The following UGT2A1 variants were observed in gnomAD, a reference collection of about 807,000 sequenced individuals.
UGT2A1 encodes UDP-glucuronosyltransferase 2A1.
In UGT2A1, 61 loss-of-function variants were observed where a neutral mutation model predicts 45.4. The ratio of observed to expected loss-of-function variants is 1.34; its 90% CI spans 1.09 to 1.66. The LOEUF is 1.66. UGT2A1 is among the 40% of genes most tolerant of loss of function. The pLI, the probability that UGT2A1 is intolerant of heterozygous loss-of-function variation, is 0.00. For synonymous variants in UGT2A1, 229 were observed against 196.2 expected, an observed-to-expected ratio of 1.17 and a Z score of -1.40; for missense variants, 649 against 574.3, an observed-to-expected ratio of 1.13 and a Z score of -1.33.
chr4:69,647,594 G>A lies in UGT2A1; in HGVS notation c.51C>T (p.Thr17=). 2 of 1,607,958 alleles carry A rather than the reference G, an allele frequency of 1.2e-6. No homozygotes were observed. The highest frequency in any genetic ancestry group is 2.2e-5 in the South Asian group (2 of 90,098). The stretch of plus-strand genomic sequence containing the variant: ...AAATCAAAACATTCCCACCAAGAGT[G>A]GTTCCTATGAGACTTATCTGAAGGG... The part of the protein sequence containing the change: ...LFSLQISLIG[T]TLGGNVLIWP... Residue 17 remains threonine, a synonymous_variant, in exon 2 of 7, where the codon ACC becomes ACT. Coordinates refer to ENST00000286604, the MANE Select transcript of UGT2A1 (RefSeq NM_001252275.3).
chr4:69,644,748 T>TA (rs978303715), intron 2 of UGT2A1, among the ~76,000 whole-genome samples: 9 of 151,804 alleles, frequency 5.9e-5, no homozygotes, highest in Non-Finnish European at 1.2e-4. Context: ...GCCAATTACT[T>TA]AACATACCCA....
rs540464361 is a variant in UGT2A1 at position 69,595,351 on chromosome 4, G to A, written c.997-102C>T. 1,030 of 1,345,410 alleles carry A rather than the reference G, an allele frequency of 7.7e-4. 2 individuals are homozygous for A. Among genetic ancestry groups the A allele is most frequent in the Non-Finnish European group, 9.6e-4 (923 of 966,052 alleles). 83.3% of individuals were successfully genotyped at this position (1,345,410 alleles called of 1,614,324 possible). On this transcript the variant is annotated intron_variant, in intron 4 of 6. Coordinates refer to ENST00000286604, the MANE Select transcript of UGT2A1 (RefSeq NM_001252275.3). ...TCATTTAGCCAGCTACTTGGAAGAC[G>A]GGAATTACATAAGCAGTAGTTTACA...
chr4:69,594,764 AGGGGTC>A, intron 5 of UGT2A1, 68 bp from the exon 6 acceptor site: 2 of 1,524,430 alleles, frequency 1.3e-6, no homozygotes, highest in Admixed American at 2.0e-5. Flanking sequence ...GAGAGACAGA[AGGGGTC>A]AAAAAGCTGT....
intron 2 of UGT2A1, among the ~76,000 whole-genome samples, chr4:69,637,566 G>T (rs1423770969): frequency 6.6e-6 from 1 of 151,988 alleles, no homozygotes; most frequent in Non-Finnish European, 1.5e-5. Flanking sequence ...ACTTCCCTCA[G>T]GTCTTTGGCC....
At chr4:69,628,501 G>C (rs145820516) in intron 3 of UGT2A1, among the ~76,000 whole-genome samples, 1 of 151,598 alleles carries the variant, frequency 6.6e-6, no homozygotes, top group African/African-American at 2.4e-5. Context: ...GATGAACAAA[G>C]AGTAGTCTCT....
At chr4:69,600,353 A>G (rs34021488) in intron 3 of UGT2A1, among the ~76,000 whole-genome samples, 6,988 of 152,306 alleles carry the variant, frequency 0.046, 240 homozygotes, top group Middle Eastern at 0.12. Flanking sequence ...CTATATCACA[A>G]GGGACCTTGC....
chr4:69,596,389 C>T (rs779749300), intron 4 of UGT2A1: 2 of 1,561,878 alleles, frequency 1.3e-6, no homozygotes, highest in East Asian at 2.3e-5. Context: ...TTCCTGCATA[C>T]ATAATATATT....
intron 2 of UGT2A1, among the ~76,000 whole-genome samples, chr4:69,645,306 C>T (rs866415184): frequency 6.6e-6 from 1 of 151,724 alleles, no homozygotes; most frequent in African/African-American, 2.4e-5. Flanking sequence ...AAATTCAATG[C>T]AATATTAATT....
chr4:69,598,287 A>C (rs1340236040), intron 4 of UGT2A1, among the ~76,000 whole-genome samples: 1 of 152,152 alleles, frequency 6.6e-6, no homozygotes, highest in Non-Finnish European at 1.5e-5. Flanking sequence ...ACTTTCTAAA[A>C]AGATTACATT....
At chr4:69,605,598 C>T (rs1719559756) in intron 3 of UGT2A1, among the ~76,000 whole-genome samples, 1 of 136,302 alleles carries the variant, frequency 7.3e-6, no homozygotes, top group South Asian at 2.4e-4. Flanking sequence ...GAAATAGAGA[C>T]ACAAAAAACC....
rs895619487 is a variant in UGT2A1 at position 69,637,924 on chromosome 4, C to T, written c.716-2102G>A. Among the ~76,000 whole-genome samples the T allele has an allele frequency of 7.5e-5, 10 of 133,412 alleles. No individual in the cohort carries two copies. The South Asian group carries it at 1.4e-3, about 18-fold the overall frequency. The allele number at this position is 133,412 out of a possible 152,430, so 87.5% of individuals were successfully genotyped here. On this transcript the variant is annotated intron_variant, in intron 2 of 6. Transcript: ENST00000286604. The stretch of plus-strand genomic sequence containing the variant: ...GCAAGAAGGAAGGCAGGCAGGCAGG[C>T]AGGCAGGAAGGAAGGAAGGAAAGAA...
At chr4:69,627,124 T>C (rs1721105066) in intron 3 of UGT2A1, among the ~76,000 whole-genome samples, 1 of 151,946 alleles carries the variant, frequency 6.6e-6, no homozygotes, top group South Asian at 2.1e-4. Context: ...TATTTGCACA[T>C]ACTGACACAC....
At chr4:69,649,046 C>T (rs979272307) in intron 1 of UGT2A1, among the ~76,000 whole-genome samples, 12 of 152,044 alleles carry the variant, frequency 7.9e-5, no homozygotes, top group South Asian at 2.1e-4. Flanking sequence ...TCAAGTAAAG[C>T]GATCTCTGTG....
At position 69,613,948 on chromosome 4, in the gene UGT2A1, C is replaced by T. The variant is rs115649055; in HGVS notation, c.848-14554G>A. 3.7e-3 allele frequency among the ~76,000 whole-genome samples: 560 copies of T among 152,094 alleles called. 5 individuals are homozygous for T. The highest frequency in any genetic ancestry group is 0.013 in the African/African-American group (539 of 41,530). On this transcript the variant is annotated intron_variant, in intron 3 of 6. Coordinates refer to ENST00000286604, the MANE Select transcript of UGT2A1 (RefSeq NM_001252275.3). Reference sequence around the variant, plus strand: ...AGGATATGTGCTTTCACAACTTTTACTTAACATCATAGTAGTAGTCCTAGC... The same window carrying T: ...AGGATATGTGCTTTCACAACTTTTATTTAACATCATAGTAGTAGTCCTAGC...
chr4:69,643,812 A>C (rs4148284), intron 2 of UGT2A1, among the ~76,000 whole-genome samples: 6,522 of 151,666 alleles, frequency 0.043, 158 homozygotes, highest in Middle Eastern at 0.072. Context: ...TGTTGCAATG[A>C]TTTCATTAAA....
chr4:69,590,678 T>C (rs1422486720), intron 6 of UGT2A1, among the ~76,000 whole-genome samples: 1 of 151,956 alleles, frequency 6.6e-6, no homozygotes, highest in Non-Finnish European at 1.5e-5. Flanking sequence ...TCTGTCTGTC[T>C]AGTGAAAAAG....
At chr4:69,627,328 T>A (rs1721116407) in intron 3 of UGT2A1, among the ~76,000 whole-genome samples, 1 of 151,870 alleles carries the variant, frequency 6.6e-6, no homozygotes, top group South Asian at 2.1e-4. Flanking sequence ...ATGAGTCTCT[T>A]AACAGCATTA....
intron 6 of UGT2A1, 73 bp from the exon 7 acceptor site, chr4:69,589,724 C>A: frequency 6.5e-7 from 1 of 1,528,962 alleles, no homozygotes; most frequent in Non-Finnish European, 8.8e-7. Flanking sequence ...ATATGTGATA[C>A]ACTTTTGCTC....
At chr4:69,614,211 C>A (rs1395626969) in intron 3 of UGT2A1, among the ~76,000 whole-genome samples, 1 of 151,864 alleles carries the variant, frequency 6.6e-6, no homozygotes, top group Non-Finnish European at 1.5e-5. Flanking sequence ...AGGAAGTAAT[C>A]CCATTTGCAA....
Sources: gnomAD v4.1 joint callset for allele counts (sites outside exome capture counted in the v4.1 genomes callset) on GRCh38, gnomAD v4.1.1 for gene constraint, MANE v1.5 for transcripts, NCBI Gene and HGNC (gene_info 2026-07-23, HGNC 2026-07-21) for gene names.